SDK2: variants seen among roughly 807,000 people sequenced by gnomAD.
The protein encoded by SDK2 is sidekick cell adhesion molecule 2, also known as protein sidekick-2.
In SDK2, 105 loss-of-function variants were observed where a neutral mutation model predicts 253.9. That is an observed-to-expected ratio of 0.41 (90% CI 0.35 to 0.49). The LOEUF is 0.49. Among genes scored for constraint, SDK2 ranks in the 20% least tolerant of loss-of-function variants. The pLI is 0.06. For missense variants in SDK2, 2,608 were observed against 3,003.0 expected (o/e 0.87, Z 3.07); for synonymous variants, 1,249 against 1,234.9 (o/e 1.01, Z -0.24).
chr17:73,626,756 G>A (rs192960703), intron 1 of SDK2, among the ~76,000 whole-genome samples: 2 of 152,290 alleles, frequency 1.3e-5, no homozygotes, highest in East Asian at 3.9e-4. Context: ...GACAGCGATG[G>A]AATGGGAGGG....
chr17:73,592,540 C>T (rs1414580565), intron 1 of SDK2, among the ~76,000 whole-genome samples: 2 of 152,230 alleles, frequency 1.3e-5, no homozygotes, highest in Non-Finnish European at 2.9e-5. Flanking sequence ...TCTGTCCCCA[C>T]CACCTCCTGG....
At chr17:73,611,338 C>A (rs1295675125) in intron 1 of SDK2, among the ~76,000 whole-genome samples, 1 of 152,234 alleles carries the variant, frequency 6.6e-6, no homozygotes, top group Non-Finnish European at 1.5e-5. Context: ...ATGAAGCCAG[C>A]GTCCTCTCTC....
At chr17:73,530,938 G>T (rs1444718182) in intron 1 of SDK2, among the ~76,000 whole-genome samples, 1 of 152,124 alleles carries the variant, frequency 6.6e-6, no homozygotes, top group Admixed American at 6.5e-5. Flanking sequence ...AGGCTTGAGG[G>T]ATCTCTCTGG....
chr17:73,457,039 C>T (rs900963064), intron 3 of SDK2, among the ~76,000 whole-genome samples: 6 of 152,174 alleles, frequency 3.9e-5, no homozygotes, highest in Admixed American at 1.3e-4. Context: ...TTTAGCAAGA[C>T]GCTTGGCAAG....
At chr17:73,392,321 G>A (rs2062935032) in intron 27 of SDK2, among the ~76,000 whole-genome samples, 1 of 151,692 alleles carries the variant, frequency 6.6e-6, no homozygotes, top group African/African-American at 2.4e-5. Flanking sequence ...CCAGGCTGGA[G>A]TGCAGTGGCG....
intron 2 of SDK2, among the ~76,000 whole-genome samples, chr17:73,478,337 G>A (rs758250875): frequency 1.3e-5 from 2 of 152,152 alleles, no homozygotes; most frequent in South Asian, 2.1e-4. Context: ...GGAATCTTCC[G>A]GGTGGAGGAA....
At chr17:73,410,676 C>G (rs2063118182) in intron 18 of SDK2, among the ~76,000 whole-genome samples, 1 of 152,212 alleles carries the variant, frequency 6.6e-6, no homozygotes, top group Non-Finnish European at 1.5e-5. Context: ...GTGAGCGAAG[C>G]ATTTAGTGTA....
intron 4 of SDK2, among the ~76,000 whole-genome samples, chr17:73,448,864 T>C (rs1332577488): frequency 6.6e-6 from 1 of 152,124 alleles, no homozygotes; most frequent in Non-Finnish European, 1.5e-5. Context: ...TTTTGCTATG[T>C]TGGCCAGGCT....
intron 18 of SDK2, among the ~76,000 whole-genome samples, chr17:73,405,504 ATATATATAT>A (rs1568385738): frequency 0.014 from 1,271 of 88,790 alleles, 269 homozygotes; most frequent in East Asian, 0.04. Context: ...ATATATATAT[ATATATATAT>A]ATATAAAGAT....
At chr17:73,597,816 T>C (rs1420630569) in intron 1 of SDK2, among the ~76,000 whole-genome samples, 2 of 151,950 alleles carry the variant, frequency 1.3e-5, no homozygotes, top group African/African-American at 2.4e-5. Context: ...CGGGTAATTT[T>C]TTGTATTTTT....
chr17:73,520,185 G>C (rs1313250672), intron 1 of SDK2: 1 of 152,420 alleles, frequency 6.6e-6, no homozygotes, highest in Non-Finnish European at 1.5e-5. Flanking sequence ...GGCCATCCTG[G>C]TGTCACCCAT....
At chr17:73,461,107 C>T (rs1041638897) in intron 3 of SDK2, among the ~76,000 whole-genome samples, 1 of 152,258 alleles carries the variant, frequency 6.6e-6, no homozygotes, top group Admixed American at 6.5e-5. Flanking sequence ...ATCCTGCATA[C>T]ACATTCTTTA....
In SDK2 at chr17:73,467,467, A is replaced by G. The variant is rs1032577982; in HGVS notation, c.331+4645T>C. On this transcript the variant is annotated intron_variant, in intron 3 of 44. Coordinates refer to ENST00000392650, the MANE Select transcript of SDK2 (RefSeq NM_001144952.2). This position sits in a 1 kb window ranked among gnomAD's most constrained non-coding sequence, Gnocchi z 4.1. ...AGAACCACTGTGCCCTTCCCAGCACAGTGACCCTCAGGACGAGCACTGCTA... is the reference window on the plus strand; with the variant it reads ...AGAACCACTGTGCCCTTCCCAGCACGGTGACCCTCAGGACGAGCACTGCTA... Among the ~76,000 whole-genome samples the G allele has an allele frequency of 6.6e-6, 1 of 152,184 alleles. No homozygotes were observed. The highest frequency in any genetic ancestry group is 6.5e-5 in the Admixed American group (1 of 15,276).
chr17:73,481,037 A>AGGCT lies in SDK2; in HGVS notation c.225-8823_225-8820dup, dbSNP rs1163645888. Reference sequence around the variant, plus strand: ...GAAGGATGCTGTGCTCCTGGCTGGGAGGCTACAGGGCCGCCATTTGAAGGG... The same window carrying AGGCT: ...GAAGGATGCTGTGCTCCTGGCTGGGAGGCTGGCTACAGGGCCGCCATTTGAAGGG... On this transcript the variant is annotated intron_variant, in intron 2 of 44. Coordinates refer to ENST00000392650, the MANE Select transcript of SDK2 (RefSeq NM_001144952.2). The surrounding 1 kb of genome is among the most constrained non-coding windows in gnomAD (Gnocchi z 4.5). 6.6e-6 allele frequency among the ~76,000 whole-genome samples: 1 copy of AGGCT among 152,134 alleles called. No homozygotes were observed.
intron 36 of SDK2, among the ~76,000 whole-genome samples, chr17:73,374,174 T>G (rs2062758386): frequency 6.9e-6 from 1 of 145,076 alleles, no homozygotes; most frequent in Non-Finnish European, 1.5e-5. Context: ...TTTTGTTCTT[T>G]ATCTTTCCTT....
rs553180730 is a variant in SDK2 at position 73,419,313 on chromosome 17, C to G, written c.2046-7G>C. On this transcript the variant is annotated splice_polypyrimidine_tract_variant and splice_region_variant and intron_variant, in intron 15 of 44. Coordinates refer to ENST00000392650, the MANE Select transcript of SDK2 (RefSeq NM_001144952.2). ...CTCCTCGGGGAGGGAGACCCTGGAT[C>G]ACAAAACACCAATGCTCTTAGTCTT... The G allele has an allele frequency of 3.1e-6, 5 of 1,610,138 alleles. No individual in the cohort carries two copies. The highest frequency in any genetic ancestry group is 4.2e-6 in the Non-Finnish European group (5 of 1,179,348).
chr17:73,609,843 A>G lies in SDK2; in HGVS notation c.64+34182T>C, dbSNP rs928083198. ...CCTCGAGAGCCCCCAGGGCCCAAGG[A>G]GACAGAGTCCCTGCTGGCCATGTCC... On this transcript the variant is annotated intron_variant, in intron 1 of 44. Coordinates refer to ENST00000392650, the MANE Select transcript of SDK2 (RefSeq NM_001144952.2). This position sits in a 1 kb window ranked among gnomAD's most constrained non-coding sequence, Gnocchi z 4.4. Among the ~76,000 whole-genome samples the G allele has an allele frequency of 6.6e-6, 1 of 152,230 alleles. No homozygotes were observed. Among genetic ancestry groups the G allele is most frequent in the Non-Finnish European group, 1.5e-5 (1 of 68,044 alleles).
chr17:73,412,160 A>ACG (rs1434726084), intron 18 of SDK2, among the ~76,000 whole-genome samples: 1 of 95,206 alleles, frequency 1.1e-5, no homozygotes, highest in East Asian at 5.7e-4. Flanking sequence ...ATACGTATAT[A>ACG]TGTATATACA....
At chr17:73,497,189 C>T (rs372450406) in intron 2 of SDK2, among the ~76,000 whole-genome samples, 74 of 152,340 alleles carry the variant, frequency 4.9e-4, no homozygotes, top group South Asian at 1.9e-3. Context: ...TGAGCCACTG[C>T]GCCCAGCCTG....
Sources: gnomAD v4.1 joint callset for allele counts (sites outside exome capture counted in the v4.1 genomes callset) on GRCh38, gnomAD v4.1.1 for gene constraint, Gnocchi (gnomAD v3.1) non-coding constraint, MANE v1.5 for transcripts, NCBI Gene and HGNC (gene_info 2026-07-23, HGNC 2026-07-21) for gene names.